Variants in FGF20 observed in about 807,000 individuals in gnomAD.
FGF20 encodes fibroblast growth factor 20.
A neutral mutation model predicts 16.7 loss-of-function variants in FGF20; 8 were observed. The ratio of observed to expected loss-of-function variants is 0.48; its 90% CI spans 0.28 to 0.87. The LOEUF is 0.87. FGF20 is among the 40% of genes least tolerant of loss of function. FGF20 has a pLI of 0.10. For synonymous variants in FGF20, 161 were observed against 118.6 expected, an observed-to-expected ratio of 1.36 and a Z score of -2.32; for missense variants, 397 against 281.4, an observed-to-expected ratio of 1.41 and a Z score of -2.94.
At chr8:17,001,208 G>T (rs1450370149) in intron 1 of FGF20, among the ~76,000 whole-genome samples, 1 of 152,132 alleles carries the variant, frequency 6.6e-6, no homozygotes. Context: ...GTAAATGCTC[G>T]CAATCCATGC....
chr8:16,992,586 C>G lies in FGF20; in HGVS notation c.*486G>C, dbSNP rs1242334035. 1 of 151,606 alleles carries G rather than the reference C, an allele frequency of 6.6e-6. No homozygotes were observed. Among genetic ancestry groups the G allele is most frequent in the Non-Finnish European group, 1.5e-5 (1 of 68,092 alleles). 9.4% of individuals were successfully genotyped at this position (151,606 alleles called of 1,614,324 possible). On this transcript the variant is annotated 3_prime_UTR_variant, in exon 3 of 3. Transcript: ENST00000180166. ...GTGGCATGTTTCATAGTTCATGTTT[C>G]ACCCAGGTGTTGTTTAGTTTTTTTT...
rs1317747102 is a variant in FGF20 at position 17,002,277 on chromosome 8, G to T, written c.-245C>A. Reference sequence around the variant, plus strand: ...TGGCTCTGCAGAAATATCTATAGCTGCCGCTGCCAATACTAGGACTAGGGC... The same window carrying T: ...TGGCTCTGCAGAAATATCTATAGCTTCCGCTGCCAATACTAGGACTAGGGC... On this transcript the variant is annotated 5_prime_UTR_variant, in exon 1 of 3. Coordinates refer to ENST00000180166, the MANE Select transcript of FGF20 (RefSeq NM_019851.3). 6.9e-6 allele frequency: 3 copies of T among 436,662 alleles called. No homozygotes were observed. Among genetic ancestry groups the T allele is most frequent in the Non-Finnish European group, 1.2e-5 (3 of 252,414 alleles). The allele number at this position is 436,662 out of a possible 1,614,324, so 27.0% of individuals were successfully genotyped here. A position where few individuals can be genotyped will look rare whatever the true frequency, so the allele number is the denominator to read the frequency against.
intron 1 of FGF20, among the ~76,000 whole-genome samples, chr8:16,998,574 C>A (rs1810109096): frequency 6.6e-6 from 1 of 152,040 alleles, no homozygotes; most frequent in African/African-American, 2.4e-5. Flanking sequence ...TTCTAATGCC[C>A]AGTGTCCCAT....
intron 2 of FGF20, among the ~76,000 whole-genome samples, chr8:16,995,035 G>C (rs1345036492): frequency 1.3e-5 from 2 of 152,116 alleles, no homozygotes; most frequent in Non-Finnish European, 2.9e-5. Flanking sequence ...TATAACTTAA[G>C]TGGCATATTT....
Position 16,992,361 on chromosome 8 carries a change from A to G in FGF20, c.*711T>C, listed in dbSNP as rs1809933231. 6.6e-6 allele frequency: 1 copy of G among 152,082 alleles called. No homozygotes were observed. Among genetic ancestry groups the G allele is most frequent in the East Asian group, 1.9e-4 (1 of 5,208 alleles). The allele number at this position is 152,082 out of a possible 1,614,324, so 9.4% of individuals were successfully genotyped here. On this transcript the variant is annotated 3_prime_UTR_variant, in exon 3 of 3. Transcript: ENST00000180166. ...TCTGATTCTATGGTTAAGGTGGTAT[A>G]ATAATGTCCTCTTTACAGAGCAAGA...
intron 1 of FGF20, among the ~76,000 whole-genome samples, chr8:16,999,922 G>T (rs1008033027): frequency 3.9e-5 from 6 of 152,060 alleles, no homozygotes; most frequent in Non-Finnish European, 8.8e-5. Context: ...CTTAACTTCT[G>T]CCTGCTCTCC....
At chr8:16,993,408 C>A in intron 2 of FGF20, 91 bp from the exon 3 acceptor site, 1 of 1,286,284 alleles carries the variant, frequency 7.8e-7, no homozygotes, top group Non-Finnish European at 1.1e-6. Context: ...CATTTCTTTG[C>A]CTTGTCAAAG....
At chr8:16,998,820 C>T (rs1043088682) in intron 1 of FGF20, among the ~76,000 whole-genome samples, 3 of 150,774 alleles carry the variant, frequency 2.0e-5, no homozygotes, top group African/African-American at 7.3e-5. Flanking sequence ...CTGCTGTGTA[C>T]TACTGTGTAG....
chr8:16,996,497 A>G (rs889052666), intron 1 of FGF20, among the ~76,000 whole-genome samples: 7 of 152,220 alleles, frequency 4.6e-5, no homozygotes, highest in African/African-American at 1.7e-4. Flanking sequence ...TAGGCATTCA[A>G]CAAACGGAAG....
chr8:16,999,079 A>G (rs1310193575), intron 1 of FGF20, among the ~76,000 whole-genome samples: 2 of 152,188 alleles, frequency 1.3e-5, no homozygotes, highest in Non-Finnish European at 2.9e-5. Flanking sequence ...CTTTCTTCTT[A>G]CCCGCACTCT....
intron 1 of FGF20, among the ~76,000 whole-genome samples, chr8:16,997,040 T>C (rs1223696478): frequency 6.6e-6 from 1 of 152,216 alleles, no homozygotes; most frequent in Non-Finnish European, 1.5e-5. Context: ...GATAGCCAAA[T>C]ATAATGAATT....
In FGF20 at chr8:16,992,462, A is replaced by G. The variant is rs1286482864; in HGVS notation, c.*610T>C. The G allele has an allele frequency of 6.6e-6, 1 of 151,706 alleles. No homozygotes were observed. The highest frequency in any genetic ancestry group is 1.5e-5 in the Non-Finnish European group (1 of 67,912). The allele number at this position is 151,706 out of a possible 1,614,324, so 9.4% of individuals were successfully genotyped here. On this transcript the variant is annotated 3_prime_UTR_variant, in exon 3 of 3. Transcript: ENST00000180166. ...CTTTGTATTATCTTCATATCCCAGT[A>G]AAAAATAAACTCTTTAATAAATAAA... is the stretch of plus-strand genomic sequence containing the variant.
Position 17,001,896 on chromosome 8 carries a change from C to G in FGF20, c.137G>C (p.Arg46Pro), listed in dbSNP as rs1034419442. 3 of 1,442,460 alleles carry G rather than the reference C, an allele frequency of 2.1e-6. No individual in the cohort carries two copies. The highest frequency in any genetic ancestry group is 1.5e-5 in the African/African-American group (1 of 66,478). 89.4% of individuals were successfully genotyped at this position (1,442,460 alleles called of 1,614,324 possible). A position where few individuals can be genotyped will look rare whatever the true frequency, so the allele number is the denominator to read the frequency against. ...LLGERRSAAERSARGGPGAAQ... is the reference protein window; with the variant it reads ...LLGERRSAAEPSARGGPGAAQ... ...AGCCCCCGGCCCGCCGCGCGCGCTC[C>G]GCTCCGCCGCGCTCCTGCGCTCGCC... Residue 46 changes from arginine to proline, a missense_variant, in exon 1 of 3, where the codon CGG (arginine) becomes CCG (proline). By Grantham distance (103) the Arg-to-Pro change is moderately radical (BLOSUM62 -2). Coordinates refer to ENST00000180166, the MANE Select transcript of FGF20 (RefSeq NM_019851.3).
In FGF20 at chr8:17,001,999, C is replaced by A; in HGVS notation, c.34G>T (p.Gly12Cys). 1 of 1,531,372 alleles carries A rather than the reference C, an allele frequency of 6.5e-7. No homozygotes were observed. Among genetic ancestry groups the A allele is most frequent in the Non-Finnish European group, 8.8e-7 (1 of 1,139,554 alleles). The allele number at this position is 1,531,372 out of a possible 1,614,324, so 94.9% of individuals were successfully genotyped here. A position where few individuals can be genotyped will look rare whatever the true frequency, so the allele number is the denominator to read the frequency against. The change falls in exon 1 of 3, where the codon GGC becomes TGC. Residue 12 changes from glycine (G) to cysteine (C), a missense_variant. Gly to Cys is a radical substitution (Grantham distance 159). Transcript: ENST00000180166. ...APLAEVGGFL[G>C]GLEGLGQQVG... ...TGCTGGCCCAAGCCCTCCAGGCCGCCCAGAAAGCCCCCGACTTCGGCTAAG... is the reference window on the plus strand; with the variant it reads ...TGCTGGCCCAAGCCCTCCAGGCCGCACAGAAAGCCCCCGACTTCGGCTAAG...
chr8:16,999,044 T>C (rs1242135593), intron 1 of FGF20, among the ~76,000 whole-genome samples: 3 of 152,150 alleles, frequency 2.0e-5, no homozygotes, highest in Non-Finnish European at 4.4e-5. Flanking sequence ...CAGAAGCACA[T>C]AATGTTATAT....
rs746950652 is a variant in FGF20 at position 16,995,744 on chromosome 8, T to TG, written c.300dup (p.Ile101HisfsTer11). Reference sequence around the variant, plus strand: ...CTGACCAGTCCCACTGCCACACTGATGAATTCCAAGATACCTGCATATGTA... The same window carrying TG: ...CTGACCAGTCCCACTGCCACACTGATGGAATTCCAAGATACCTGCATATGTA... On this transcript the variant is annotated frameshift_variant, in exon 2 of 3. Transcript: ENST00000180166. LOFTEE classifies it high-confidence loss of function. 1.1e-5 allele frequency: 17 copies of TG among 1,596,654 alleles called. No individual in the cohort carries two copies. The highest frequency in any genetic ancestry group is 8.6e-7 in the Non-Finnish European group (1 of 1,166,726).
Position 16,995,715 on chromosome 8 carries a change from A to C in FGF20, c.330T>G (p.Ile110Met). Residue 110 changes from isoleucine to methionine, a missense_variant, in exon 2 of 3, where the codon ATT becomes ATG. Ile to Met is a conservative substitution (Grantham distance 10). Coordinates refer to ENST00000180166, the MANE Select transcript of FGF20 (RefSeq NM_019851.3). The part of the protein sequence containing the change: ...FISVAVGLVS[I>M]RGVDSGLYLG... ...GATAGAGACCACTGTCCACACCTCT[A>C]ATACTGACCAGTCCCACTGCCACAC... 6.2e-7 allele frequency: 1 copy of C among 1,609,876 alleles called. No homozygotes were observed. Among genetic ancestry groups the C allele is most frequent in the Non-Finnish European group, 8.5e-7 (1 of 1,176,582 alleles).
chr8:16,996,910 C>T (rs1253250045), intron 1 of FGF20, among the ~76,000 whole-genome samples: 2 of 152,118 alleles, frequency 1.3e-5, no homozygotes, highest in African/African-American at 4.8e-5. Flanking sequence ...TTCTTGAGGA[C>T]AATACAGTAG....
intron 2 of FGF20, among the ~76,000 whole-genome samples, chr8:16,993,810 T>G (rs998516954): frequency 6.6e-6 from 1 of 152,204 alleles, no homozygotes; most frequent in Non-Finnish European, 1.5e-5. Context: ...ATAAGAAGCA[T>G]GCAACCCAGA....
Sources: gnomAD v4.1 joint callset for allele counts (sites outside exome capture counted in the v4.1 genomes callset) on GRCh38, gnomAD v4.1.1 for gene constraint, MANE v1.5 for transcripts, NCBI Gene and HGNC (gene_info 2026-07-23, HGNC 2026-07-21) for gene names.